The following GRID2 variants were observed in gnomAD, a reference collection of about 807,000 sequenced individuals.
GRID2 encodes glutamate receptor ionotropic, delta-2.
A neutral mutation model predicts 114.8 loss-of-function variants in GRID2; 33 were observed. That is an observed-to-expected ratio of 0.29 (90% CI 0.22 to 0.38). GRID2 has a LOEUF of 0.38. GRID2 is among the 10% of genes least tolerant of loss of function. The probability of loss-of-function intolerance (pLI) is 1.00; values close to 1 mark genes in which losing one functional copy is unlikely to be tolerated. For synonymous variants in GRID2, 505 were observed against 449.9 expected (o/e 1.12, Z -1.55); for missense variants, 1,184 against 1,257.7 (o/e 0.94, Z 0.89).
intron 8 of GRID2, among the ~76,000 whole-genome samples, chr4:93,287,122 G>A (rs777522405): frequency 4.8e-4 from 73 of 152,176 alleles, no homozygotes; most frequent in Non-Finnish European, 7.8e-4. Context: ...AAAATGAAAA[G>A]AAAGGTAAGC....
chr4:93,520,845 C>G (rs1730262291), intron 13 of GRID2, among the ~76,000 whole-genome samples: 1 of 151,954 alleles, frequency 6.6e-6, no homozygotes, highest in Non-Finnish European at 1.5e-5. Context: ...GATGAGAAAC[C>G]AGTGCAGAGT....
intron 3 of GRID2, among the ~76,000 whole-genome samples, chr4:93,103,431 C>T (rs1251119861): frequency 6.6e-6 from 1 of 152,066 alleles, no homozygotes; most frequent in Non-Finnish European, 1.5e-5. Flanking sequence ...TAAATAGTAA[C>T]TAAAACAATG....
intron 9 of GRID2, among the ~76,000 whole-genome samples, chr4:93,416,166 T>C (rs573871044): frequency 2.0e-5 from 3 of 152,142 alleles, no homozygotes; most frequent in African/African-American, 7.2e-5. Flanking sequence ...ATTTTGTTTT[T>C]CTATTCTGGT....
chr4:92,489,501 T>C (rs1038181237), intron 1 of GRID2, among the ~76,000 whole-genome samples: 5 of 151,850 alleles, frequency 3.3e-5, no homozygotes, highest in Admixed American at 2.6e-4. Flanking sequence ...CAAGTTTAAT[T>C]GTCTTTGATT....
chr4:92,747,909 C>A (rs1173793995), intron 2 of GRID2, among the ~76,000 whole-genome samples: 1 of 152,174 alleles, frequency 6.6e-6, no homozygotes, highest in Non-Finnish European at 1.5e-5. Flanking sequence ...CCAAACTTCA[C>A]TGATGCAATT....
At chr4:93,068,765 GAGA>G (rs1728542990) in intron 2 of GRID2, among the ~76,000 whole-genome samples, 1 of 151,910 alleles carries the variant, frequency 6.6e-6, no homozygotes, top group African/African-American at 2.4e-5. Context: ...TGTGGGGGAA[GAGA>G]AGGTGTTAAA....
At chr4:92,799,863 C>T (rs1740070819) in intron 2 of GRID2, among the ~76,000 whole-genome samples, 1 of 151,992 alleles carries the variant, frequency 6.6e-6, no homozygotes. Flanking sequence ...ATTCTCTACT[C>T]AGCATAATTA....
chr4:93,768,813 T>C (rs1733883535), intron 14 of GRID2, among the ~76,000 whole-genome samples: 1 of 152,260 alleles, frequency 6.6e-6, no homozygotes, highest in African/African-American at 2.4e-5. Flanking sequence ...ATTCTGGATG[T>C]AGGAAAGGGA....
chr4:93,647,506 A>G (rs2149716482), intron 14 of GRID2, among the ~76,000 whole-genome samples: 1 of 152,292 alleles, frequency 6.6e-6, no homozygotes, highest in South Asian at 2.1e-4. Context: ...GTCCACAGGG[A>G]CAGAGGTAAT....
At chr4:92,733,605 G>T (rs1465768809) in intron 2 of GRID2, among the ~76,000 whole-genome samples, 1 of 152,070 alleles carries the variant, frequency 6.6e-6, no homozygotes, top group Non-Finnish European at 1.5e-5. Context: ...CATCTCACTG[G>T]CAAGGCTGCA....
chr4:92,512,224 A>G (rs1463079351), intron 1 of GRID2, among the ~76,000 whole-genome samples: 2 of 151,874 alleles, frequency 1.3e-5, no homozygotes, highest in African/African-American at 4.8e-5. Flanking sequence ...AAGGCTGAAT[A>G]ATATTTCATT....
chr4:93,197,217 T>C (rs962878346), intron 4 of GRID2, among the ~76,000 whole-genome samples: 16 of 152,154 alleles, frequency 1.1e-4, no homozygotes, highest in Non-Finnish European at 1.5e-4. Flanking sequence ...AATTCTAATT[T>C]TGAAAACTAC....
intron 13 of GRID2, among the ~76,000 whole-genome samples, chr4:93,560,222 TAAAAAAAAA>T (rs70942974): frequency 2.4e-3 from 102 of 42,954 alleles, no homozygotes; most frequent in South Asian, 7.1e-3. Context: ...GAACTTAAAG[TAAAAAAAAA>T]AAAAAAAAAA....
Position 92,842,752 on chromosome 4 carries a change from C to A in GRID2, c.245-242243C>A, listed in dbSNP as rs544940484. The stretch of plus-strand genomic sequence containing the variant: ...AAAACAAAAAAAGTGGGATTACAGG[C>A]ATGAGCCACCATGCCAGGCCTAATC... On this transcript the variant is annotated intron_variant, in intron 2 of 15. Coordinates refer to ENST00000282020, the MANE Select transcript of GRID2 (RefSeq NM_001510.4). Among the ~76,000 whole-genome samples, 3 of 152,208 alleles carry A rather than the reference C, an allele frequency of 2.0e-5. No homozygotes were observed. In the East Asian group the frequency reaches 5.8e-4, roughly 29 times the overall value.
At chr4:93,311,276 C>T (rs537818538) in intron 8 of GRID2, among the ~76,000 whole-genome samples, 76 of 152,150 alleles carry the variant, frequency 5.0e-4, no homozygotes, top group South Asian at 1.7e-3. Flanking sequence ...AAGAGGAAGG[C>T]GGCATGGAAA....
intron 1 of GRID2, among the ~76,000 whole-genome samples, chr4:93,795,981 CT>C (rs941011799): frequency 6.6e-6 from 1 of 152,152 alleles, no homozygotes; most frequent in Non-Finnish European, 1.5e-5. Flanking sequence ...CCGGAGTTCT[CT>C]TCCAAGTTCA....
intron 14 of GRID2, among the ~76,000 whole-genome samples, chr4:93,676,961 G>A (rs1007449916): frequency 5.9e-5 from 9 of 152,120 alleles, no homozygotes; most frequent in South Asian, 2.1e-4. Flanking sequence ...TGCACGAGCC[G>A]AAGCAGGACG....
chr4:92,564,399 A>G (rs995874334), intron 1 of GRID2, among the ~76,000 whole-genome samples: 1 of 152,066 alleles, frequency 6.6e-6, no homozygotes, highest in Non-Finnish European at 1.5e-5. Context: ...GAAGAAAGAC[A>G]TATAAGCATT....
At chr4:93,224,224 C>T (rs1745219147) in intron 6 of GRID2, among the ~76,000 whole-genome samples, 1 of 152,102 alleles carries the variant, frequency 6.6e-6, no homozygotes, top group Non-Finnish European at 1.5e-5. Context: ...AATGCAAAAA[C>T]TTAACATATT....
Sources: gnomAD v4.1 joint callset for allele counts (sites outside exome capture counted in the v4.1 genomes callset) on GRCh38, gnomAD v4.1.1 for gene constraint, MANE v1.5 for transcripts, NCBI Gene and HGNC (gene_info 2026-07-23, HGNC 2026-07-21) for gene names.